CACNA2D3: variants seen among roughly 807,000 people sequenced by gnomAD.
The protein encoded by CACNA2D3 is voltage-dependent calcium channel subunit alpha-2/delta-3.
Under a neutral mutation model 160.6 loss-of-function variants are expected in CACNA2D3, and 60 were observed. That is an observed-to-expected ratio of 0.37 (90% CI 0.30 to 0.46). CACNA2D3 has a LOEUF of 0.46. Ranked by LOEUF, CACNA2D3 falls within the 20% of genes least tolerant of loss-of-function variation. CACNA2D3 has a pLI of 1.00. For synonymous variants in CACNA2D3, 558 were observed against 492.9 expected (o/e 1.13, Z -1.75); for missense variants, 1,205 against 1,365.0 (o/e 0.88, Z 1.85).
At chr3:54,299,275 C>A (rs530646381) in intron 2 of CACNA2D3, among the ~76,000 whole-genome samples, 2 of 151,924 alleles carry the variant, frequency 1.3e-5, no homozygotes, top group South Asian at 4.2e-4. Context: ...GAGGAGGGTA[C>A]AGGGCCCCAC....
chr3:54,142,106 G>T (rs1699949427), intron 2 of CACNA2D3, among the ~76,000 whole-genome samples: 1 of 152,240 alleles, frequency 6.6e-6, no homozygotes, highest in Non-Finnish European at 1.5e-5. Flanking sequence ...AGACCAGAGG[G>T]ATGAGGAATT....
intron 5 of CACNA2D3, among the ~76,000 whole-genome samples, chr3:54,524,452 A>C (rs1437932502): frequency 6.6e-6 from 1 of 151,918 alleles, no homozygotes; most frequent in Non-Finnish European, 1.5e-5. Flanking sequence ...TCCCACGTGC[A>C]CGTGAGAAGA....
At chr3:54,501,474 A>G (rs115323413) in intron 4 of CACNA2D3, among the ~76,000 whole-genome samples, 319 of 149,276 alleles carry the variant, frequency 2.1e-3, no homozygotes, top group African/African-American at 7.5e-3. Flanking sequence ...TGGCACAATC[A>G]TGACTCACTG....
intron 13 of CACNA2D3, among the ~76,000 whole-genome samples, chr3:54,782,658 C>T (rs1456799828): frequency 6.6e-6 from 1 of 151,842 alleles, no homozygotes; most frequent in Non-Finnish European, 1.5e-5. Context: ...GTCGTGTGTC[C>T]AGCTTGTCCT....
At position 55,000,753 on chromosome 3, in the gene CACNA2D3, G is replaced by T. The variant is rs376841373; in HGVS notation, c.2691-4010G>T. ...TTCACAAGTGCAGCCAGCTGTTCCA[G>T]TCTGGCCTGGTGACTCATCAGCCCT... On this transcript the variant is annotated intron_variant, in intron 31 of 37. Transcript: ENST00000474759. Among the ~76,000 whole-genome samples the T allele has an allele frequency of 5.9e-5, 9 of 152,190 alleles. No homozygotes were observed. The East Asian group carries it at 1.8e-3, about 30-fold the overall frequency.
chr3:54,769,186 T>C (rs1702274675), intron 13 of CACNA2D3, among the ~76,000 whole-genome samples: 1 of 152,162 alleles, frequency 6.6e-6, no homozygotes, highest in African/African-American at 2.4e-5. Flanking sequence ...AATTCTGAGA[T>C]GCTTACCAAC....
chr3:55,023,093 A>C (rs1003114492), intron 35 of CACNA2D3, among the ~76,000 whole-genome samples: 1 of 152,138 alleles, frequency 6.6e-6, no homozygotes, highest in African/African-American at 2.4e-5. Context: ...AAAATCCCAA[A>C]TTTAGTATGT....
chr3:54,473,392 T>C (rs1700772104), intron 4 of CACNA2D3, among the ~76,000 whole-genome samples: 1 of 152,118 alleles, frequency 6.6e-6, no homozygotes, highest in Non-Finnish European at 1.5e-5. Flanking sequence ...TCAGGATGGA[T>C]TAAAGACTTA....
chr3:54,734,083 G>A (rs1318595312), intron 11 of CACNA2D3, among the ~76,000 whole-genome samples: 1 of 152,168 alleles, frequency 6.6e-6, no homozygotes, highest in Admixed American at 6.5e-5. Flanking sequence ...TCATTCATAG[G>A]CATTTTTAAA....
intron 35 of CACNA2D3, among the ~76,000 whole-genome samples, chr3:55,070,339 GAGA>G (rs1325838040): frequency 1.3e-5 from 2 of 152,186 alleles, no homozygotes; most frequent in Non-Finnish European, 2.9e-5. Flanking sequence ...GAGGGAGAGA[GAGA>G]AGGATTATAG....
chr3:54,887,501 C>T (rs958139623), intron 23 of CACNA2D3, among the ~76,000 whole-genome samples: 7 of 151,876 alleles, frequency 4.6e-5, no homozygotes, highest in African/African-American at 1.2e-4. Context: ...AAATAAGAAT[C>T]CCAGGGGTTA....
At chr3:54,300,755 C>A (rs1326880997) in intron 2 of CACNA2D3, among the ~76,000 whole-genome samples, 2 of 152,156 alleles carry the variant, frequency 1.3e-5, no homozygotes, top group African/African-American at 4.8e-5. Flanking sequence ...TGGCTAACAT[C>A]TGTAATCCAA....
At chr3:54,995,073 A>C (rs1198353651) in intron 31 of CACNA2D3, among the ~76,000 whole-genome samples, 2 of 152,136 alleles carry the variant, frequency 1.3e-5, no homozygotes, top group African/African-American at 4.8e-5. Context: ...TCCCGGATTC[A>C]AGCGATTTTC....
At chr3:54,486,376 GAGA>G (rs1701015530) in intron 4 of CACNA2D3, among the ~76,000 whole-genome samples, 1 of 152,160 alleles carries the variant, frequency 6.6e-6, no homozygotes, top group South Asian at 2.1e-4. Flanking sequence ...GAGAAAAACT[GAGA>G]TTCAGGGAAG....
At chr3:54,993,902 G>GTC (rs1702795439) in intron 31 of CACNA2D3, among the ~76,000 whole-genome samples, 1 of 146,086 alleles carries the variant, frequency 6.8e-6, no homozygotes, top group African/African-American at 2.6e-5. Flanking sequence ...GTGTGTGTGT[G>GTC]TGTGTGTGTG....
intron 2 of CACNA2D3, among the ~76,000 whole-genome samples, chr3:54,309,815 A>G (rs1703696496): frequency 1.3e-5 from 2 of 151,980 alleles, no homozygotes; most frequent in Non-Finnish European, 2.9e-5. Context: ...TCAACCCCCT[A>G]AGGAGGCGCT....
chr3:54,392,834 C>T (rs1364270598), intron 4 of CACNA2D3, among the ~76,000 whole-genome samples: 2 of 152,172 alleles, frequency 1.3e-5, no homozygotes, highest in African/African-American at 2.4e-5. Flanking sequence ...GGAGCCCCAG[C>T]ACTCAGTGTA....
chr3:54,971,952 A>G (rs139129956), intron 29 of CACNA2D3, among the ~76,000 whole-genome samples: 90 of 152,318 alleles, frequency 5.9e-4, no homozygotes, highest in African/African-American at 2.0e-3. Context: ...TGAACAATGC[A>G]TGGTATGGCT....
chr3:54,177,168 T>C (rs1456640412), intron 2 of CACNA2D3, among the ~76,000 whole-genome samples: 1 of 152,234 alleles, frequency 6.6e-6, no homozygotes, highest in Non-Finnish European at 1.5e-5. Flanking sequence ...AGTCCCTTCC[T>C]ACAAATTCCA....
Sources: allele counts gnomAD v4.1 joint callset (sites outside exome capture counted in the v4.1 genomes callset), GRCh38; gene constraint gnomAD v4.1.1; transcripts MANE v1.5; gene names NCBI Gene and HGNC (gene_info 2026-07-23, HGNC 2026-07-21).